ERC2: variants seen among roughly 807,000 people sequenced by gnomAD.
ERC2 encodes ELKS/RAB6-interacting/CAST family member 2.
Under a neutral mutation model 114.8 loss-of-function variants are expected in ERC2, and 42 were observed. The ratio of observed to expected loss-of-function variants is 0.37; its 90% confidence interval spans 0.29 to 0.47. The LOEUF (loss-of-function observed/expected upper bound fraction) is 0.47. Among genes scored for constraint, ERC2 ranks in the 20% least tolerant of loss-of-function variants. ERC2 has a pLI of 0.99. For missense variants in ERC2, 939 were observed against 1,150.7 expected (o/e 0.82, Z 2.66); for synonymous variants, 454 against 425.5 (o/e 1.07, Z -0.82).
intron 2 of ERC2, among the ~76,000 whole-genome samples, chr3:56,330,737 C>A (rs1193305866): frequency 6.6e-6 from 1 of 152,062 alleles, no homozygotes; most frequent in Non-Finnish European, 1.5e-5. Flanking sequence ...TGCAAATATT[C>A]CAAAATCCAA....
intron 16 of ERC2, among the ~76,000 whole-genome samples, chr3:55,685,192 G>A (rs988582506): frequency 6.6e-6 from 1 of 152,166 alleles, no homozygotes; most frequent in South Asian, 2.1e-4. Context: ...AAGAGATCCA[G>A]AGAGTTCATC....
chr3:55,969,709 G>A (rs1391541312), intron 12 of ERC2, among the ~76,000 whole-genome samples: 1 of 152,204 alleles, frequency 6.6e-6, no homozygotes, highest in Non-Finnish European at 1.5e-5. Context: ...GAGCCACACA[G>A]AAGGCTGTAG....
chr3:55,666,635 G>A (rs2061366384), intron 17 of ERC2, among the ~76,000 whole-genome samples: 1 of 152,136 alleles, frequency 6.6e-6, no homozygotes, highest in Non-Finnish European at 1.5e-5. Context: ...ACAACTAGGG[G>A]CTGGGGGTGG....
chr3:55,630,917 A>T (rs1034715487), intron 17 of ERC2, among the ~76,000 whole-genome samples: 5 of 152,116 alleles, frequency 3.3e-5, no homozygotes, highest in Admixed American at 2.0e-4. Flanking sequence ...TAACATAAAA[A>T]TAAGAAAGAA....
chr3:56,351,824 G>C (rs916278144), intron 2 of ERC2, among the ~76,000 whole-genome samples: 33 of 152,222 alleles, frequency 2.2e-4, no homozygotes, highest in Non-Finnish European at 4.3e-4. Flanking sequence ...AGAAGATGGA[G>C]ATACTGTAGG....
At chr3:56,302,611 T>G (rs527290143) in intron 2 of ERC2, among the ~76,000 whole-genome samples, 12 of 151,704 alleles carry the variant, frequency 7.9e-5, no homozygotes, top group Admixed American at 4.6e-4. Context: ...CCAGAGGGGG[T>G]TCCTTCAAGC....
At chr3:56,065,371 C>A (rs1470200521) in intron 7 of ERC2, among the ~76,000 whole-genome samples, 1 of 152,008 alleles carries the variant, frequency 6.6e-6, no homozygotes, top group African/African-American at 2.4e-5. Context: ...TACAGGCACG[C>A]ACTACCATGC....
intron 6 of ERC2, among the ~76,000 whole-genome samples, chr3:56,090,790 C>T (rs2077746617): frequency 1.9e-5 from 1 of 52,890 alleles, no homozygotes; most frequent in Admixed American, 2.8e-4. Flanking sequence ...CCTGGCTCCC[C>T]CTACCCTTCC....
chr3:56,025,538 C>A (rs966871565), intron 7 of ERC2, among the ~76,000 whole-genome samples: 7 of 152,192 alleles, frequency 4.6e-5, no homozygotes, highest in Admixed American at 4.6e-4. Context: ...GCCCTTGCCA[C>A]ACAGTACTTC....
intron 6 of ERC2, among the ~76,000 whole-genome samples, chr3:56,106,093 C>T (rs935748086): frequency 6.6e-6 from 1 of 152,160 alleles, no homozygotes; most frequent in African/African-American, 2.4e-5. Context: ...TTATGAAGAT[C>T]CAAACTGTAT....
At chr3:55,933,347 C>G (rs2066240550) in intron 13 of ERC2, among the ~76,000 whole-genome samples, 1 of 152,092 alleles carries the variant, frequency 6.6e-6, no homozygotes, top group African/African-American at 2.4e-5. Context: ...CTCATTGAAA[C>G]AGCTGTACAT....
chr3:56,121,919 T>A (rs966343107), intron 6 of ERC2, among the ~76,000 whole-genome samples: 1 of 152,104 alleles, frequency 6.6e-6, no homozygotes, highest in Admixed American at 6.5e-5. Flanking sequence ...TTGACTTCAA[T>A]CCACACCAAC....
At chr3:55,680,566 C>T (rs1215365227) in intron 17 of ERC2, among the ~76,000 whole-genome samples, 1 of 152,180 alleles carries the variant, frequency 6.6e-6, no homozygotes, top group Non-Finnish European at 1.5e-5. Flanking sequence ...CTGCATTTTG[C>T]AAGGCAAGAT....
chr3:56,178,417 C>T (rs2083099452), intron 3 of ERC2, among the ~76,000 whole-genome samples: 1 of 152,118 alleles, frequency 6.6e-6, no homozygotes, highest in Non-Finnish European at 1.5e-5. Context: ...GTTTCTTGCA[C>T]AAGAGCAAGA....
At chr3:56,297,308 TG>T (rs1431831071) in intron 2 of ERC2, among the ~76,000 whole-genome samples, 1 of 151,546 alleles carries the variant, frequency 6.6e-6, no homozygotes, top group African/African-American at 2.4e-5. Context: ...TTGATAGACA[TG>T]GAAAAAAAAA....
intron 12 of ERC2, among the ~76,000 whole-genome samples, chr3:55,977,297 TA>T (rs2149494965): frequency 6.6e-6 from 1 of 152,316 alleles, no homozygotes; most frequent in Non-Finnish European, 1.5e-5. Context: ...TACATTTGAC[TA>T]TGTAAAATAA....
At chr3:55,533,928 T>A (rs1361765144) in intron 17 of ERC2, among the ~76,000 whole-genome samples, 2 of 151,986 alleles carry the variant, frequency 1.3e-5, no homozygotes, top group African/African-American at 2.4e-5. Flanking sequence ...AGGGAGTGAG[T>A]GGTAGCGTGG....
intron 7 of ERC2, among the ~76,000 whole-genome samples, chr3:56,056,228 T>C (rs2076007184): frequency 6.6e-6 from 1 of 152,186 alleles, no homozygotes. Context: ...CTAGAGGACA[T>C]AAGGTTTGGT....
intron 1 of ERC2, among the ~76,000 whole-genome samples, chr3:56,443,202 G>A (rs2062398843): frequency 6.6e-6 from 1 of 152,174 alleles, no homozygotes; most frequent in Non-Finnish European, 1.5e-5. Flanking sequence ...GTGGAAACAC[G>A]TTGTTGCTTA....
Sources: gnomAD v4.1 joint callset for allele counts (sites outside exome capture counted in the v4.1 genomes callset) on GRCh38, gnomAD v4.1.1 for gene constraint, MANE v1.5 for transcripts, NCBI Gene and HGNC (gene_info 2026-07-23, HGNC 2026-07-21) for gene names.